The following C1QTNF3 variants were observed in gnomAD, a reference collection of about 807,000 sequenced individuals.
C1QTNF3 encodes the protein complement C1q tumor necrosis factor-related protein 3.
C1QTNF3 carries 26 observed loss-of-function variants against 32.6 expected under a neutral mutation model. The ratio of observed to expected loss-of-function variants is 0.80; its 90% CI spans 0.58 to 1.11. The LOEUF is 1.11. Among genes scored for constraint, C1QTNF3 ranks in the 50% least tolerant of loss-of-function variants. C1QTNF3 has a pLI of 0.00. For synonymous variants in C1QTNF3, 155 were observed against 146.0 expected (o/e 1.06, Z -0.44); for missense variants, 362 against 398.2 (o/e 0.91, Z 0.77).
At chr5:34,146,116 C>T in the C1QTNF3 span, among the ~76,000 whole-genome samples, 1 of 152,066 alleles carries the variant, frequency 6.6e-6, no homozygotes, top group East Asian at 1.9e-4. Flanking sequence ...CCCACTCTCA[C>T]CACTCCTATT....
At chr5:34,182,976 C>CTTTTTTTTTT in the C1QTNF3 span, 1 of 282,086 alleles carries the variant, frequency 3.5e-6, no homozygotes. Context: ...GCTTCTGTTG[C>CTTTTTTTTTT]TTTTTTTTTT....
At chr5:34,075,965 G>C in the C1QTNF3 span, among the ~76,000 whole-genome samples, 1 of 151,224 alleles carries the variant, frequency 6.6e-6, no homozygotes, top group Non-Finnish European at 1.5e-5. Flanking sequence ...TTTGACACAA[G>C]TTGGAATATG....
At chr5:34,194,921 G>A in the C1QTNF3 span, among the ~76,000 whole-genome samples, 1 of 147,766 alleles carries the variant, frequency 6.8e-6, no homozygotes, top group Non-Finnish European at 1.5e-5. Flanking sequence ...ATTGTGTAAG[G>A]AATAAGGACA....
chr5:34,197,505 T>C, the C1QTNF3 span, among the ~76,000 whole-genome samples: 1 of 152,230 alleles, frequency 6.6e-6, no homozygotes, highest in Non-Finnish European at 1.5e-5. Context: ...CTATTAATTA[T>C]AGTTTACCTA....
chr5:34,243,168 A>ATATT, the C1QTNF3 span, among the ~76,000 whole-genome samples: 1 of 152,216 alleles, frequency 6.6e-6, no homozygotes, highest in African/African-American at 2.4e-5. Flanking sequence ...ACACGAACAG[A>ATATT]TATTTTCTCA....
chr5:34,039,298 C>T (rs1754813754), intron 1 of C1QTNF3, among the ~76,000 whole-genome samples: 2 of 152,202 alleles, frequency 1.3e-5, no homozygotes, highest in African/African-American at 4.8e-5. Flanking sequence ...AAAGGTCAAA[C>T]CGTGCACTTG....
chr5:34,124,381 C>T, the C1QTNF3 span: 1 of 710,894 alleles, frequency 1.4e-6, no homozygotes, highest in Non-Finnish European at 2.6e-6. Context: ...TTAATTGGCT[C>T]ACGGTTCTGC....
the C1QTNF3 span, among the ~76,000 whole-genome samples, chr5:34,052,987 C>T: frequency 6.6e-6 from 1 of 152,122 alleles, no homozygotes; most frequent in Non-Finnish European, 1.5e-5. Context: ...GTTTGGGAGG[C>T]TTCTGCAATT....
the C1QTNF3 span, among the ~76,000 whole-genome samples, chr5:34,054,184 T>C: frequency 6.6e-6 from 1 of 152,256 alleles, no homozygotes; most frequent in Non-Finnish European, 1.5e-5. Flanking sequence ...TGAGCTGTTT[T>C]CATCTCTTCT....
At chr5:34,064,790 G>C in the C1QTNF3 span, among the ~76,000 whole-genome samples, 20 of 152,274 alleles carry the variant, frequency 1.3e-4, 1 homozygote, top group South Asian at 4.1e-3. Context: ...CCATACAATG[G>C]GAGGGGACCC....
intron 1 of C1QTNF3, among the ~76,000 whole-genome samples, chr5:34,042,310 T>C (rs1464176417): frequency 6.6e-6 from 1 of 152,094 alleles, no homozygotes; most frequent in African/African-American, 2.4e-5. Flanking sequence ...TAGAATGCTA[T>C]AAATCAAATA....
At chr5:34,234,662 A>C in the C1QTNF3 span, among the ~76,000 whole-genome samples, 1 of 152,160 alleles carries the variant, frequency 6.6e-6, no homozygotes, top group Admixed American at 6.5e-5. Flanking sequence ...AGCACTGACA[A>C]AAATATTTCT....
the C1QTNF3 span, among the ~76,000 whole-genome samples, chr5:34,067,410 G>C: frequency 6.6e-6 from 1 of 152,164 alleles, no homozygotes; most frequent in African/African-American, 2.4e-5. Flanking sequence ...ATTTCCAAAA[G>C]AAAGAAAGTT....
the C1QTNF3 span, among the ~76,000 whole-genome samples, chr5:34,189,027 A>G: frequency 2.0e-5 from 3 of 147,980 alleles, no homozygotes; most frequent in Admixed American, 2.0e-4. Flanking sequence ...TTATAAATGG[A>G]TGTTCCCCTG....
the C1QTNF3 span, among the ~76,000 whole-genome samples, chr5:34,048,585 G>T: frequency 2.0e-5 from 3 of 151,906 alleles, no homozygotes; most frequent in East Asian, 5.8e-4. Flanking sequence ...CCTTTGCCAG[G>T]GTACAATGAG....
the C1QTNF3 span, among the ~76,000 whole-genome samples, chr5:34,115,152 C>T: frequency 6.6e-6 from 1 of 151,900 alleles, no homozygotes; most frequent in East Asian, 1.9e-4. Flanking sequence ...TTATTTTCTG[C>T]CAGCATTCCT....
the C1QTNF3 span, chr5:34,168,579 C>T: frequency 6.6e-6 from 1 of 151,428 alleles, no homozygotes; most frequent in East Asian, 1.9e-4. Context: ...GTTATCAAGC[C>T]AAAGTTTTCC....
At chr5:34,147,690 G>C in the C1QTNF3 span, among the ~76,000 whole-genome samples, 1 of 152,038 alleles carries the variant, frequency 6.6e-6, no homozygotes, top group East Asian at 1.9e-4. Flanking sequence ...AGAGTGGTGT[G>C]AATTGAAAAA....
the C1QTNF3 span, among the ~76,000 whole-genome samples, chr5:34,069,036 TTC>T: frequency 6.8e-6 from 1 of 147,014 alleles, no homozygotes; most frequent in Non-Finnish European, 1.5e-5. Flanking sequence ...CATTAACCTT[TTC>T]ATTAGTTAGA....
Sources: allele counts gnomAD v4.1 joint callset (sites outside exome capture counted in the v4.1 genomes callset), GRCh38; gene constraint gnomAD v4.1.1; transcripts MANE v1.5; gene names NCBI Gene and HGNC (gene_info 2026-07-23, HGNC 2026-07-21).